PPP1R9B: variants seen among roughly 807,000 people sequenced by gnomAD.
PPP1R9B encodes protein phosphatase 1 regulatory subunit 9B.
PPP1R9B carries 17 observed loss-of-function variants against 75.8 expected under a neutral mutation model. That is an observed-to-expected ratio of 0.22 (90% confidence interval 0.15 to 0.34). The LOEUF (loss-of-function observed/expected upper bound fraction) is 0.34. Among genes scored for constraint, PPP1R9B ranks in the 10% least tolerant of loss-of-function variants. PPP1R9B has a pLI of 1.00. For missense variants in PPP1R9B, 875 were observed against 1,196.0 expected (o/e 0.73, Z 3.96); for synonymous variants, 509 against 535.4 (o/e 0.95, Z 0.68).
chr17:50,149,564 T>G lies in PPP1R9B; in HGVS notation c.950A>C (p.Glu317Ala). The G allele has an allele frequency of 6.3e-7, 1 of 1,584,064 alleles. No individual in the cohort carries two copies. Among genetic ancestry groups the G allele is most frequent in the Non-Finnish European group, 8.6e-7 (1 of 1,168,620 alleles). Residue 317 changes from glutamate to alanine, a missense_variant, in exon 1 of 10, where the codon GAG becomes GCG. Around this residue, in one of 4 missense-constraint regions of PPP1R9B, gnomAD observed 449 missense variants for 475.0 expected, o/e 0.95. Transcript: ENST00000612501. This position sits in a 1 kb window ranked among gnomAD's most constrained non-coding sequence, Gnocchi z 7.2. ...GACCGTAACCTCGGCCTGGATCACCTCCCCGGGCGCCGACTCGGCCTCCGA... is the reference window on the plus strand; with the variant it reads ...GACCGTAACCTCGGCCTGGATCACCGCCCCGGGCGCCGACTCGGCCTCCGA... ...GESEAESAPG[E>A]VIQAEVTVHA...
chr17:50,148,798 C>G (rs1173223304), intron 1 of PPP1R9B, among the ~76,000 whole-genome samples: 1 of 152,232 alleles, frequency 6.6e-6, no homozygotes, highest in Non-Finnish European at 1.5e-5. Flanking sequence ...ACCCCAGCCT[C>G]TGGCAGCCTC....
intron 1 of PPP1R9B, among the ~76,000 whole-genome samples, chr17:50,147,334 T>C (rs537160796): frequency 6.6e-6 from 1 of 152,280 alleles, no homozygotes; most frequent in Non-Finnish European, 1.5e-5. Context: ...AGGGCAACAA[T>C]TGGGTCATCC....
intron 7 of PPP1R9B, among the ~76,000 whole-genome samples, chr17:50,138,407 CTG>C (rs1042252717): frequency 6.6e-6 from 1 of 151,958 alleles, no homozygotes; most frequent in African/African-American, 2.4e-5. Context: ...GTCTCTGTGA[CTG>C]TGTCTGTGTA....
At chr17:50,148,572 C>T (rs1005326868) in intron 1 of PPP1R9B, among the ~76,000 whole-genome samples, 1 of 152,246 alleles carries the variant, frequency 6.6e-6, no homozygotes, top group African/African-American at 2.4e-5. Flanking sequence ...CGATCTGCTT[C>T]CCTCTTTCAC....
rs1239964611 is a variant in PPP1R9B, at chr17:50,134,031, C to T, written c.*1300G>A. On this transcript the variant is annotated 3_prime_UTR_variant, in exon 10 of 10. Transcript: ENST00000612501. ...AAGAAATACTGATCGAAGTCATGGT[C>T]TATTTACAGGGGACAAGAAGCCAAA... is the stretch of plus-strand genomic sequence containing the variant. 1 of 152,536 alleles carries T rather than the reference C, an allele frequency of 6.6e-6. No homozygotes were observed. Among genetic ancestry groups the T allele is most frequent in the Admixed American group, 6.5e-5 (1 of 15,276 alleles). The allele number at this position is 152,536 out of a possible 1,614,324, so 9.4% of individuals were successfully genotyped here.
chr17:50,136,240 G>A, intron 7 of PPP1R9B, 43 bp from the exon 8 acceptor site: 3 of 1,532,400 alleles, frequency 2.0e-6, no homozygotes, highest in Non-Finnish European at 2.6e-6. Context: ...GGGGCCAGCA[G>A]GAGCCAAAGG....
chr17:50,149,839 G>A lies in PPP1R9B; in HGVS notation c.675C>T (p.His225=). 1 of 1,473,778 alleles carries A rather than the reference G, an allele frequency of 6.8e-7. No individual in the cohort carries two copies. Among genetic ancestry groups the A allele is most frequent in the African/African-American group, 1.5e-5 (1 of 67,926 alleles). 91.3% of individuals were successfully genotyped at this position (1,473,778 alleles called of 1,614,324 possible). A position where few individuals can be genotyped will look rare whatever the true frequency, so the allele number is the denominator to read the frequency against. The change falls in exon 1 of 10, where the codon CAC becomes CAT. Residue 225 remains histidine, a synonymous_variant. Coordinates refer to ENST00000612501, the MANE Select transcript of PPP1R9B (RefSeq NM_032595.5). The surrounding 1 kb of genome is among the most constrained non-coding windows in gnomAD (Gnocchi z 7.2). ...FEKADSRTGL[H]RGPGLPRAAG... is the part of the protein sequence containing the mutation. The stretch of plus-strand genomic sequence containing the variant: ...CGGCCCTGGGGAGCCCGGGCCCGCG[G>A]TGGAGGCCGGTCCTCGAGTCGGCCT...
rs72840637 is a variant in PPP1R9B at position 50,139,456 on chromosome 17, G to A, written c.1992C>T (p.Pro664=). Residue 664 remains proline, a synonymous_variant, in exon 6 of 10, where the codon CCC becomes CCT. Transcript: ENST00000612501. The surrounding 1 kb of genome is among the most constrained non-coding windows in gnomAD (Gnocchi z 5.0). ...CCTTGAACTTGTGCACCAGCTTCTC[G>A]GGCTCCATGTCCACAGGGGACAGTG... ...EDALSPVDME[P]EKLVHKFKEL... 1.0e-5 allele frequency: 16 copies of A among 1,604,268 alleles called. 1 individual carries two copies. The highest frequency in any genetic ancestry group is 4.4e-5 in the South Asian group (4 of 90,274).
intron 7 of PPP1R9B, among the ~76,000 whole-genome samples, chr17:50,138,419 A>T (rs571300005): frequency 6.6e-6 from 1 of 151,948 alleles, no homozygotes; most frequent in Non-Finnish European, 1.5e-5. Context: ...GTGTCTGTGT[A>T]GAGTGGGTGT....
chr17:50,143,340 T>C (rs1207372173), intron 3 of PPP1R9B, among the ~76,000 whole-genome samples: 8 of 152,218 alleles, frequency 5.3e-5, no homozygotes, highest in Non-Finnish European at 1.0e-4. Flanking sequence ...CACACGCCTA[T>C]AGCCCCCATG....
At position 50,135,541 on chromosome 17, in the gene PPP1R9B, C is replaced by A. The variant is rs769934398; in HGVS notation, c.2400+12G>T. On this transcript the variant is annotated intron_variant, in intron 9 of 9. Transcript: ENST00000612501. ...TCCACTGGGCCCTGCCCACAGGGCGCCCCAGGCCCACCTTGTCCAGGAGCT... is the reference window on the plus strand; with the variant it reads ...TCCACTGGGCCCTGCCCACAGGGCGACCCAGGCCCACCTTGTCCAGGAGCT... 113 of 1,608,772 alleles carry A rather than the reference C, an allele frequency of 7.0e-5. No individual in the cohort carries two copies. Among genetic ancestry groups the A allele is most frequent in the Non-Finnish European group, 9.2e-5 (108 of 1,176,870 alleles).
intron 3 of PPP1R9B, 83 bp downstream of exon 3, chr17:50,143,515 C>T (rs2144449943): frequency 6.6e-7 from 1 of 1,513,076 alleles, no homozygotes; most frequent in Non-Finnish European, 9.1e-7. Context: ...GCCCGCCCCA[C>T]CCCCTGCTCA....
rs192238471 is a variant in PPP1R9B, at chr17:50,145,770, G to C, written c.1372-525C>G. ...GGGTGTGAGACAGAAGAGGAGGAGGGGAGCAGGAGGGGTGGAAGGGGAGAG... is the reference window on the plus strand; with the variant it reads ...GGGTGTGAGACAGAAGAGGAGGAGGCGAGCAGGAGGGGTGGAAGGGGAGAG... On this transcript the variant is annotated intron_variant, in intron 1 of 9. Coordinates refer to ENST00000612501, the MANE Select transcript of PPP1R9B (RefSeq NM_032595.5). 5.3e-5 allele frequency among the ~76,000 whole-genome samples: 8 copies of C among 152,078 alleles called. No homozygotes were observed. The Middle Eastern group carries it at 0.017, about 323-fold the overall frequency.
rs1398604677 is a variant in PPP1R9B at position 50,150,087 on chromosome 17, G to C, written c.427C>G (p.Arg143Gly). Residue 143 changes from arginine (R) to glycine (G), a missense_variant, in exon 1 of 10, where the codon CGG becomes GGG. This residue lies in a region of PPP1R9B where 449 missense variants were observed against 475.0 expected (regional missense o/e 0.95). Coordinates refer to ENST00000612501, the MANE Select transcript of PPP1R9B (RefSeq NM_032595.5). The surrounding 1 kb of genome is among the most constrained non-coding windows in gnomAD (Gnocchi z 8.7). ...AACAGCTTCCGCGTCTCCTGCAGCC[G>C]GGACGGCGGGTGCGGCGGCGGCGCA... ...QPAPPPHPPS[R>G]LQETRKLFER... The C allele has an allele frequency of 7.1e-7, 1 of 1,408,396 alleles. No individual in the cohort carries two copies. The highest frequency in any genetic ancestry group is 9.2e-7 in the Non-Finnish European group (1 of 1,087,178). 87.2% of individuals were successfully genotyped at this position (1,408,396 alleles called of 1,614,324 possible).
chr17:50,149,817 C>T lies in PPP1R9B; in HGVS notation c.697G>A (p.Ala233Thr). ...GAGTTGACCTGGGGAACCCCTGCGG[C>T]CCTGGGGAGCCCGGGCCCGCGGTGG... ...GLHRGPGLPR[A>T]AGVPQVNSKL... The change falls in exon 1 of 10, where the codon GCC (alanine) becomes ACC (threonine). Residue 233 changes from alanine to threonine, a missense_variant. By Grantham distance (58) the Ala-to-Thr change is moderately conservative. Coordinates refer to ENST00000612501, the MANE Select transcript of PPP1R9B (RefSeq NM_032595.5). This position sits in a 1 kb window ranked among gnomAD's most constrained non-coding sequence, Gnocchi z 7.2. 6.9e-7 allele frequency: 1 copy of T among 1,447,042 alleles called. No individual in the cohort carries two copies. The highest frequency in any genetic ancestry group is 9.0e-7 in the Non-Finnish European group (1 of 1,105,502). The allele number at this position is 1,447,042 out of a possible 1,614,324, so 89.6% of individuals were successfully genotyped here.
chr17:50,139,726 C>T lies in PPP1R9B; in HGVS notation c.1867-145G>A, dbSNP rs573729776. ...CCTCCCACTTCAGCCTGAGGCTGGA[C>T]CAGAGACACGGTTTATGTCTTCCCC... On this transcript the variant is annotated intron_variant, in intron 5 of 9. Transcript: ENST00000612501. The surrounding 1 kb of genome is among the most constrained non-coding windows in gnomAD (Gnocchi z 5.0). 1.0e-6 allele frequency: 1 copy of T among 956,010 alleles called. No individual in the cohort carries two copies. The highest frequency in any genetic ancestry group is 1.7e-5 in the South Asian group (1 of 57,426). The allele number at this position is 956,010 out of a possible 1,614,324, so 59.2% of individuals were successfully genotyped here.
rs1351324687 is a variant in PPP1R9B, at chr17:50,143,582, T to G, written c.1625+16A>C. 6.2e-7 allele frequency: 1 copy of G among 1,610,054 alleles called. No homozygotes were observed. Among genetic ancestry groups the G allele is most frequent in the East Asian group, 2.2e-5 (1 of 44,668 alleles). On this transcript the variant is annotated intron_variant, in intron 3 of 9. Coordinates refer to ENST00000612501, the MANE Select transcript of PPP1R9B (RefSeq NM_032595.5). ...AGAGGGAAAAAGGGTCAGGCGAGACTGGGGAGGATTGGTACCTGCCATCCC... is the reference window on the plus strand; with the variant it reads ...AGAGGGAAAAAGGGTCAGGCGAGACGGGGGAGGATTGGTACCTGCCATCCC...
At position 50,139,626 on chromosome 17, in the gene PPP1R9B, C is replaced by A. The variant is rs1382747227; in HGVS notation, c.1867-45G>T. ...ACTGTGGGCCCACCCCACCCAGCTG[C>A]CCTCAGCCCTGATGACCAGGGCTGG... On this transcript the variant is annotated intron_variant, in intron 5 of 9. Transcript: ENST00000612501. This position sits in a 1 kb window ranked among gnomAD's most constrained non-coding sequence, Gnocchi z 5.0. 1 of 1,514,580 alleles carries A rather than the reference C, an allele frequency of 6.6e-7. No individual in the cohort carries two copies. The highest frequency in any genetic ancestry group is 8.8e-7 in the Non-Finnish European group (1 of 1,132,386). 93.8% of individuals were successfully genotyped at this position (1,514,580 alleles called of 1,614,324 possible).
chr17:50,140,505 C>T, intron 4 of PPP1R9B: 1 of 483,050 alleles, frequency 2.1e-6, no homozygotes, highest in Non-Finnish European at 3.7e-6. Context: ...AGGGGACATG[C>T]ACTGAGGAGG....
Sources: gnomAD v4.1 joint callset for allele counts (sites outside exome capture counted in the v4.1 genomes callset) on GRCh38, gnomAD v4.1.1 for gene constraint, gnomAD v4.1.1 regional missense constraint, Gnocchi (gnomAD v3.1) non-coding constraint, MANE v1.5 for transcripts, NCBI Gene and HGNC (gene_info 2026-07-23, HGNC 2026-07-21) for gene names.